Variants in MAD2L1BP observed in about 807,000 individuals in gnomAD.
MAD2L1BP encodes the protein MAD2L1 binding protein.
Under a neutral mutation model 28.4 loss-of-function variants are expected in MAD2L1BP, and 22 were observed. The observed-to-expected ratio is 0.77, with a 90% CI of 0.55 to 1.10. The LOEUF (loss-of-function observed/expected upper bound fraction) is 1.10. Ranked by LOEUF, MAD2L1BP falls within the 50% of genes least tolerant of loss-of-function variation. The pLI, the probability that MAD2L1BP is intolerant of heterozygous loss-of-function variation, is 0.00. For missense variants in MAD2L1BP, 325 were observed against 350.5 expected (o/e 0.93, Z 0.58); for synonymous variants, 146 against 133.7 (o/e 1.09, Z -0.63).
upstream of MAD2L1BP, chr6:43,633,172 C>CT (rs547697381): frequency 0.068 from 25,913 of 383,866 alleles, 2 homozygotes; most frequent in South Asian, 0.093. Context: ...AATCATTGTA[C>CT]TTTTTTTTTT....
At chr6:43,629,802 ATGG>A in intron 1 of MAD2L1BP, 1 of 1,560,208 alleles carries the variant, frequency 6.4e-7, no homozygotes, top group Admixed American at 1.9e-5. Flanking sequence ...GCGGAGGCGG[ATGG>A]TGATTAGCCA....
At chr6:43,633,204 ACT>A (rs1383661643), upstream of MAD2L1BP, 4 of 409,724 alleles carry the variant, frequency 9.8e-6, no homozygotes, top group Non-Finnish European at 1.9e-5. Flanking sequence ...GCGGAGTCTC[ACT>A]CTGTCACCCA....
chr6:43,633,608 G>T (rs561786286), upstream of MAD2L1BP, among the ~76,000 whole-genome samples: 2 of 152,030 alleles, frequency 1.3e-5, no homozygotes, highest in Non-Finnish European at 2.9e-5. Flanking sequence ...GTCTCATTAT[G>T]TTGCCCAGAC....
chr6:43,630,908 C>CA (rs753239311), upstream of MAD2L1BP, among the ~76,000 whole-genome samples: 3,317 of 51,870 alleles, frequency 0.064, 151 homozygotes, highest in African/African-American at 0.094. Flanking sequence ...GACTTCGTCT[C>CA]AAAAAAAAAA....
In MAD2L1BP at chr6:43,636,462, T is replaced by C. The variant is rs772111641; in HGVS notation, c.128T>C (p.Leu43Pro). ...LLETSSTQEP[L>P]NASEAFCPRD... ...GAGACAAGCTCTACGCAGGAACCTC[T>C]CAACGCTTCGGAGGCCTTTTGCCCA... Residue 43 changes from leucine (L) to proline (P), a missense_variant, in exon 2 of 3, where the codon CTC becomes CCC. Transcript: ENST00000372171. 4 of 1,614,234 alleles carry C rather than the reference T, an allele frequency of 2.5e-6. No homozygotes were observed. Among genetic ancestry groups the C allele is most frequent in the African/African-American group, 1.3e-5 (1 of 75,070 alleles).
rs184181843 is a variant in MAD2L1BP, at chr6:43,640,601, C to T, written c.*68C>T. ...TTTCTCCATGTGGCGCTGAATCACC[C>T]ATCTGGTTTGGAGCTAGAGTTGCTT... is the stretch of plus-strand genomic sequence containing the variant. On this transcript the variant is annotated 3_prime_UTR_variant, in exon 3 of 3. Transcript: ENST00000372171. 16 of 1,488,970 alleles carry T rather than the reference C, an allele frequency of 1.1e-5. No homozygotes were observed. In the East Asian group the frequency reaches 3.5e-4, roughly 32 times the overall value. The allele number at this position is 1,488,970 out of a possible 1,614,324, so 92.2% of individuals were successfully genotyped here. A position where few individuals can be genotyped will look rare whatever the true frequency, so the allele number is the denominator to read the frequency against.
chr6:43,630,908 C>CAAAAAAAAAAAAAAAA (rs753239311), upstream of MAD2L1BP, among the ~76,000 whole-genome samples: 1 of 53,624 alleles, frequency 1.9e-5, no homozygotes, highest in African/African-American at 6.8e-5. Flanking sequence ...GACTTCGTCT[C>CAAAAAAAAAAAAAAAA]AAAAAAAAAA....
chr6:43,635,850 C>G lies in MAD2L1BP; in HGVS notation c.-26C>G. ...CCCCGCGAGACCTTTATTCTAACCG[C>G]AAGGAGTAGCGGAGGGGAGGTCGTG... is the stretch of plus-strand genomic sequence containing the variant. On this transcript the variant is annotated 5_prime_UTR_variant, in exon 1 of 3. Coordinates refer to ENST00000372171, the MANE Select transcript of MAD2L1BP (RefSeq NM_014628.3). 1 of 1,467,122 alleles carries G rather than the reference C, an allele frequency of 6.8e-7. No homozygotes were observed. The highest frequency in any genetic ancestry group is 1.4e-5 in the South Asian group (1 of 73,232). 90.9% of individuals were successfully genotyped at this position (1,467,122 alleles called of 1,614,324 possible).
At chr6:43,637,451 A>G (rs1770299653) in intron 2 of MAD2L1BP, among the ~76,000 whole-genome samples, 3 of 139,184 alleles carry the variant, frequency 2.2e-5, no homozygotes, top group African/African-American at 8.2e-5. Context: ...TTTGAGACAG[A>G]GTCTCGCCTT....
chr6:43,636,458 C>T lies in MAD2L1BP; in HGVS notation c.124C>T (p.Pro42Ser). 6.2e-7 allele frequency: 1 copy of T among 1,614,186 alleles called. No homozygotes were observed. Among genetic ancestry groups the T allele is most frequent in the Non-Finnish European group, 8.5e-7 (1 of 1,180,034 alleles). The change falls in exon 2 of 3, where the codon CCT becomes TCT. Residue 42 changes from proline to serine, a missense_variant. Coordinates refer to ENST00000372171, the MANE Select transcript of MAD2L1BP (RefSeq NM_014628.3). ...ACTTGAGACAAGCTCTACGCAGGAA[C>T]CTCTCAACGCTTCGGAGGCCTTTTG... ...ELLETSSTQE[P>S]LNASEAFCPR...
rs1160574315 is a variant in MAD2L1BP, at chr6:43,640,484, A to T, written c.776A>T (p.Asp259Val). The T allele has an allele frequency of 6.8e-6, 11 of 1,610,614 alleles. No individual in the cohort carries two copies. The highest frequency in any genetic ancestry group is 9.3e-6 in the Non-Finnish European group (11 of 1,178,508). Reference sequence around the variant, plus strand: ...TCCATCCGAACCACGGCTTGGGAAGACTACATTTGGTTCCAGGCACCAGTG... The same window carrying T: ...TCCATCCGAACCACGGCTTGGGAAGTCTACATTTGGTTCCAGGCACCAGTG... The part of the protein sequence containing the change: ...RPSIRTTAWE[D>V]YIWFQAPVTF... The change falls in exon 3 of 3, where the codon GAC (aspartate) becomes GTC (valine). Residue 259 changes from aspartate (D) to valine (V), a missense_variant. Transcript: ENST00000372171.
chr6:43,640,635 G>C lies in MAD2L1BP; in HGVS notation c.*102G>C. 1 of 1,305,394 alleles carries C rather than the reference G, an allele frequency of 7.7e-7. No individual in the cohort carries two copies. Among genetic ancestry groups the C allele is most frequent in the Non-Finnish European group, 1.0e-6 (1 of 966,728 alleles). The allele number at this position is 1,305,394 out of a possible 1,614,324, so 80.9% of individuals were successfully genotyped here. On this transcript the variant is annotated 3_prime_UTR_variant, in exon 3 of 3. Coordinates refer to ENST00000372171, the MANE Select transcript of MAD2L1BP (RefSeq NM_014628.3). ...TGGAGCTAGAGTTGCTTCCTGGTGA[G>C]AGAGGAAGCAACTCTCCTTCTGGTT...
chr6:43,635,565 G>C (rs1390124450), upstream of MAD2L1BP, among the ~76,000 whole-genome samples: 3 of 152,254 alleles, frequency 2.0e-5, no homozygotes, highest in Non-Finnish European at 4.4e-5. Flanking sequence ...GGCCTGGCAC[G>C]AAGTAGGTGC....
At position 43,636,522 on chromosome 6, in the gene MAD2L1BP, C is replaced by T. The variant is rs373909166; in HGVS notation, c.188C>T (p.Pro63Leu). ...DCMVPVVFPG[P>L]VSQEGCCQFT... is the part of the protein sequence containing the mutation. ...ATGGTACCAGTGGTGTTTCCTGGGC[C>T]TGTGAGCCAGGAAGGCTGCTGTCAG... is the stretch of plus-strand genomic sequence containing the variant. The change falls in exon 2 of 3, where the codon CCT becomes CTT. Residue 63 changes from proline to leucine, a missense_variant. Transcript: ENST00000372171. 2 of 1,614,138 alleles carry T rather than the reference C, an allele frequency of 1.2e-6. No individual in the cohort carries two copies. The highest frequency in any genetic ancestry group is 1.3e-5 in the African/African-American group (1 of 75,010).
intron 1 of MAD2L1BP, 145 bp from the exon 2 acceptor site, chr6:43,636,236 C>G (rs1045337089): frequency 1.5e-5 from 11 of 749,090 alleles, no homozygotes; most frequent in Non-Finnish European, 1.9e-5. Flanking sequence ...TGCCACGGCC[C>G]ATACTGTAGG....
chr6:43,635,026 C>T (rs1314730311), upstream of MAD2L1BP, among the ~76,000 whole-genome samples: 1 of 152,194 alleles, frequency 6.6e-6, no homozygotes, highest in East Asian at 1.9e-4. Context: ...CTACCTCTAA[C>T]TGGTATCCCT....
intron 2 of MAD2L1BP, among the ~76,000 whole-genome samples, chr6:43,638,475 G>C (rs865774642): frequency 6.6e-6 from 1 of 151,810 alleles, no homozygotes; most frequent in Middle Eastern, 3.4e-3. Context: ...TCATGTTGGA[G>C]AGTTTTATTC....
upstream of MAD2L1BP, among the ~76,000 whole-genome samples, chr6:43,633,529 C>T (rs116354491): frequency 6.5e-3 from 994 of 151,828 alleles, 5 homozygotes; most frequent in Non-Finnish European, 0.011. Flanking sequence ...TCCTGAAACA[C>T]GCCCTTTTCT....
chr6:43,632,100 G>A (rs538291020), upstream of MAD2L1BP, among the ~76,000 whole-genome samples: 62 of 151,662 alleles, frequency 4.1e-4, no homozygotes, highest in African/African-American at 1.3e-3. Context: ...TGGTTTCTCC[G>A]TGTTGGTCAG....
Sources: allele counts gnomAD v4.1 joint callset (sites outside exome capture counted in the v4.1 genomes callset), GRCh38; gene constraint gnomAD v4.1.1; transcripts MANE v1.5; gene names NCBI Gene and HGNC (gene_info 2026-07-23, HGNC 2026-07-21).